RARS2: variants seen among roughly 807,000 people sequenced by gnomAD.
The protein encoded by RARS2 is probable arginine--tRNA ligase, mitochondrial.
A neutral mutation model predicts 88.5 loss-of-function variants in RARS2; 67 were observed. The observed-to-expected ratio is 0.76, with a 90% CI of 0.62 to 0.93. The LOEUF (loss-of-function observed/expected upper bound fraction) is 0.93. Among genes scored for constraint, RARS2 ranks in the 40% least tolerant of loss-of-function variants. The pLI, the probability that RARS2 is intolerant of heterozygous loss-of-function variation, is 0.00. For synonymous variants in RARS2, 239 were observed against 230.3 expected, an observed-to-expected ratio of 1.04 and a Z score of -0.34; for missense variants, 664 against 684.2, an observed-to-expected ratio of 0.97 and a Z score of 0.33.
At chr6:87,522,505 G>C (rs1774248417) in intron 11 of RARS2, among the ~76,000 whole-genome samples, 3 of 151,880 alleles carry the variant, frequency 2.0e-5, no homozygotes, top group African/African-American at 7.3e-5. Flanking sequence ...TTTAAAATTA[G>C]AGCTATTTTT....
At chr6:87,574,057 C>T (rs2128202209) in intron 1 of RARS2, among the ~76,000 whole-genome samples, 1 of 152,300 alleles carries the variant, frequency 6.6e-6, no homozygotes, top group African/African-American at 2.4e-5. Flanking sequence ...TTTTTTCCCT[C>T]TTGCAACTAA....
At chr6:87,583,447 G>T (rs1774199813) in intron 1 of RARS2, among the ~76,000 whole-genome samples, 1 of 152,038 alleles carries the variant, frequency 6.6e-6, no homozygotes, top group Non-Finnish European at 1.5e-5. Context: ...AAATTAGCTG[G>T]GTGTGGTGGC....
At chr6:87,520,127 T>C (rs1773353068) in intron 13 of RARS2, 53 bp downstream of exon 13, 3 of 1,463,790 alleles carry the variant, frequency 2.0e-6, no homozygotes, top group Non-Finnish European at 2.9e-6. Flanking sequence ...ACTAGGTACA[T>C]TTTCAGGCTC....
At chr6:87,568,337 C>T (rs78900282) in intron 2 of RARS2, among the ~76,000 whole-genome samples, 10,733 of 152,120 alleles carry the variant, frequency 0.071, 410 homozygotes, top group East Asian at 0.095. Flanking sequence ...ATCTCTACAA[C>T]AAATACAAAA....
intron 1 of RARS2, among the ~76,000 whole-genome samples, chr6:87,574,763 C>T (rs1479480274): frequency 6.6e-6 from 1 of 151,746 alleles, no homozygotes; most frequent in Non-Finnish European, 1.5e-5. Context: ...AACTAAAAGA[C>T]AAGATGAAAA....
chr6:87,578,356 T>C (rs528059425), intron 1 of RARS2, among the ~76,000 whole-genome samples: 43 of 152,202 alleles, frequency 2.8e-4, no homozygotes, highest in South Asian at 4.1e-4. Flanking sequence ...TATATCTGCA[T>C]AGAAATATAC....
chr6:87,561,220 T>C (rs1030322771), intron 4 of RARS2, among the ~76,000 whole-genome samples: 1 of 152,104 alleles, frequency 6.6e-6, no homozygotes, highest in Non-Finnish European at 1.5e-5. Context: ...CAGAAAGACA[T>C]GCATATCAAA....
intron 5 of RARS2, among the ~76,000 whole-genome samples, chr6:87,552,925 A>C (rs977896317): frequency 9.9e-5 from 15 of 152,208 alleles, no homozygotes; most frequent in African/African-American, 3.6e-4. Context: ...TTTAAGAGTA[A>C]TATGGTAATG....
intron 1 of RARS2, among the ~76,000 whole-genome samples, chr6:87,578,176 A>C (rs576610261): frequency 1.3e-5 from 2 of 151,950 alleles, no homozygotes; most frequent in African/African-American, 4.8e-5. Flanking sequence ...AGTAATGAGC[A>C]CATGAGGAAT....
chr6:87,516,178 C>G (rs1414843284), intron 18 of RARS2, among the ~76,000 whole-genome samples: 1 of 152,102 alleles, frequency 6.6e-6, no homozygotes, highest in Non-Finnish European at 1.5e-5. Context: ...TGCTGCTATA[C>G]AAGGGTGGAC....
At chr6:87,542,375 C>T (rs1405605043) in intron 7 of RARS2, among the ~76,000 whole-genome samples, 1 of 152,126 alleles carries the variant, frequency 6.6e-6, no homozygotes, top group African/African-American at 2.4e-5. Flanking sequence ...AAGCTAGACA[C>T]TAGGCACTCA....
intron 4 of RARS2, among the ~76,000 whole-genome samples, chr6:87,557,377 C>T (rs1002114224): frequency 3.3e-5 from 5 of 152,126 alleles, no homozygotes; most frequent in African/African-American, 1.2e-4. Flanking sequence ...ATGACAAGAA[C>T]ACATCAGTAA....
chr6:87,516,718 G>T (rs1046960294), intron 18 of RARS2, 88 bp downstream of exon 18: 2 of 1,557,120 alleles, frequency 1.3e-6, no homozygotes, highest in African/African-American at 1.4e-5. Flanking sequence ...CAAATTTTAG[G>T]CCAAGGAATT....
chr6:87,518,143 T>C (rs750122249), intron 17 of RARS2, 26 bp downstream of exon 17: 9 of 1,614,098 alleles, frequency 5.6e-6, no homozygotes, highest in Admixed American at 3.3e-5. Flanking sequence ...AGAAGCACAC[T>C]TGATGATCCC....
chr6:87,530,830 T>C lies in RARS2; in HGVS notation c.725A>G (p.Gln242Arg), dbSNP rs1338097995. The change falls in exon 9 of 20, where the codon CAA (glutamine) becomes CGA (arginine). Residue 242 changes from glutamine to arginine, a missense_variant. Transcript: ENST00000369536. ...TTCAATGCTCAAGTCCCGAAATTTT[T>C]GCCACAGTGAAAGTGCTTGCACATC... The part of the protein sequence containing the change: ...LGDVQALSLW[Q>R]KFRDLSIEEY... 1 of 1,614,216 alleles carries C rather than the reference T, an allele frequency of 6.2e-7. No individual in the cohort carries two copies. Among genetic ancestry groups the C allele is most frequent in the Admixed American group, 1.7e-5 (1 of 60,028 alleles).
intron 17 of RARS2, 28 bp from the exon 18 acceptor site, chr6:87,516,908 G>A (rs374355490): frequency 1.9e-6 from 3 of 1,612,582 alleles, no homozygotes; most frequent in Middle Eastern, 1.7e-4. Flanking sequence ...CAGTGAACAG[G>A]AAAAGACTGT....
chr6:87,523,912 A>G (rs1432988593), intron 11 of RARS2, among the ~76,000 whole-genome samples: 2 of 152,228 alleles, frequency 1.3e-5, no homozygotes, highest in Non-Finnish European at 1.5e-5. Flanking sequence ...TCCCAATTGC[A>G]TAGAAATGGT....
chr6:87,584,947 C>T (rs1774690963), intron 1 of RARS2, among the ~76,000 whole-genome samples: 1 of 152,120 alleles, frequency 6.6e-6, no homozygotes, highest in Non-Finnish European at 1.5e-5. Context: ...TGCTTAAGGG[C>T]AAGAATTATA....
At chr6:87,529,300 T>C (rs1776707629) in intron 10 of RARS2, among the ~76,000 whole-genome samples, 1 of 152,216 alleles carries the variant, frequency 6.6e-6, no homozygotes, top group Admixed American at 6.5e-5. Flanking sequence ...AGGTCACTTA[T>C]ATTTTCTGTG....
Sources: gnomAD v4.1 joint callset for allele counts (sites outside exome capture counted in the v4.1 genomes callset) on GRCh38, gnomAD v4.1.1 for gene constraint, MANE v1.5 for transcripts, NCBI Gene and HGNC (gene_info 2026-07-23, HGNC 2026-07-21) for gene names.